The following MEIS2 variants were observed in gnomAD, a reference collection of about 807,000 sequenced individuals.
MEIS2 encodes homeobox protein Meis2.
In MEIS2, 9 loss-of-function variants were observed where a neutral mutation model predicts 58.6. That is an observed-to-expected ratio of 0.15 (90% confidence interval 0.09 to 0.27). The LOEUF is 0.27. MEIS2 is among the 10% of genes least tolerant of loss of function. The pLI is 1.00. For synonymous variants in MEIS2, 221 were observed against 228.4 expected, an observed-to-expected ratio of 0.97 and a Z score of 0.29; for missense variants, 427 against 635.0, an observed-to-expected ratio of 0.67 and a Z score of 3.52.
At chr15:37,058,011 AAT>A (rs1420301191) in intron 7 of MEIS2, among the ~76,000 whole-genome samples, 1 of 152,190 alleles carries the variant, frequency 6.6e-6, no homozygotes, top group Non-Finnish European at 1.5e-5. Flanking sequence ...ACCGGGGATC[AAT>A]GTTGGTGAGT....
At chr15:36,927,974 C>CT (rs2057815554) in intron 9 of MEIS2, among the ~76,000 whole-genome samples, 1 of 152,054 alleles carries the variant, frequency 6.6e-6, no homozygotes. Flanking sequence ...ATATTTACAG[C>CT]CGGCCAAGAT....
intron 1 of MEIS2, chr15:37,099,070 A>G: frequency 1.0e-6 from 1 of 986,674 alleles, no homozygotes; most frequent in Non-Finnish European, 1.2e-6. Context: ...GAGCCGCGCG[A>G]GCCACGGCGG....
chr15:36,966,271 G>A (rs1028561342), intron 8 of MEIS2, among the ~76,000 whole-genome samples: 4 of 152,146 alleles, frequency 2.6e-5, no homozygotes, highest in Admixed American at 6.5e-5. Flanking sequence ...GGAGAAGGGG[G>A]AAGTAAGTTC....
chr15:37,045,020 C>T (rs1294456836), intron 7 of MEIS2, among the ~76,000 whole-genome samples: 1 of 152,138 alleles, frequency 6.6e-6, no homozygotes, highest in African/African-American at 2.4e-5. Context: ...CCTTAGGTTC[C>T]CTCCCTCCAC....
At chr15:37,009,413 T>C (rs188353005) in intron 8 of MEIS2, among the ~76,000 whole-genome samples, 51 of 152,372 alleles carry the variant, frequency 3.3e-4, no homozygotes, top group Non-Finnish European at 5.9e-4. Context: ...GTTGGAAATA[T>C]TTATTTCATT....
chr15:37,064,577 C>T lies in MEIS2; in HGVS notation c.754+19194G>A, dbSNP rs139453745. On this transcript the variant is annotated intron_variant, in intron 7 of 11. Coordinates refer to ENST00000561208, the MANE Select transcript of MEIS2 (RefSeq NM_170675.5). ...TCTTACTGCTATGCAAAATGGAATA[C>T]TATTTTTGATTTTCATTAGTCAAAA... Among the ~76,000 whole-genome samples the T allele has an allele frequency of 3.5e-3, 540 of 152,228 alleles. 4 individuals are homozygous for T. The highest frequency in any genetic ancestry group is 5.2e-3 in the Non-Finnish European group (354 of 67,992).
At chr15:37,048,653 T>C (rs1022876346) in intron 7 of MEIS2, among the ~76,000 whole-genome samples, 5 of 152,216 alleles carry the variant, frequency 3.3e-5, no homozygotes, top group African/African-American at 1.2e-4. Flanking sequence ...TTAATAAAAG[T>C]GTAACTTCGA....
rs1036906827 is a variant in MEIS2 at position 36,890,766 on chromosome 15, A to T, written c.*1407T>A. 6.6e-6 allele frequency: 1 copy of T among 152,214 alleles called. No homozygotes were observed. The highest frequency in any genetic ancestry group is 1.5e-5 in the Non-Finnish European group (1 of 68,020). The allele number at this position is 152,214 out of a possible 1,614,324, so 9.4% of individuals were successfully genotyped here. ...ATATATTTTTTAACGTCATGCATCTAAAAAGGAGGTTGAGCATGTTCAAGG... is the reference window on the plus strand; with the variant it reads ...ATATATTTTTTAACGTCATGCATCTTAAAAGGAGGTTGAGCATGTTCAAGG... On this transcript the variant is annotated 3_prime_UTR_variant, in exon 12 of 12. Transcript: ENST00000561208.
chr15:36,950,700 G>T (rs1479004175), intron 8 of MEIS2, among the ~76,000 whole-genome samples: 1 of 152,020 alleles, frequency 6.6e-6, no homozygotes, highest in East Asian at 1.9e-4. Flanking sequence ...CAGAATTTTG[G>T]TCATCTAACT....
intron 8 of MEIS2, among the ~76,000 whole-genome samples, chr15:37,028,168 G>A (rs1216740386): frequency 6.6e-6 from 1 of 152,192 alleles, no homozygotes; most frequent in Non-Finnish European, 1.5e-5. Flanking sequence ...TCTATCTGAG[G>A]TGAACCTCTT....
intron 7 of MEIS2, among the ~76,000 whole-genome samples, chr15:37,068,216 G>A (rs1890218429): frequency 6.6e-6 from 1 of 152,114 alleles, no homozygotes; most frequent in Non-Finnish European, 1.5e-5. Context: ...AAAGTTATGA[G>A]CATTTGAGTT....
Position 37,093,297 on chromosome 15 carries a change from C to T in MEIS2, c.639+284G>A, listed in dbSNP as rs556785772. The stretch of plus-strand genomic sequence containing the variant: ...TGGTGACTATATCAAACAGAATTTG[C>T]GAACACCCAAGTCACCAAATCCAGA... On this transcript the variant is annotated intron_variant, in intron 6 of 11. Coordinates refer to ENST00000561208, the MANE Select transcript of MEIS2 (RefSeq NM_170675.5). Among the ~76,000 whole-genome samples the T allele has an allele frequency of 2.6e-4, 39 of 152,274 alleles. 1 individual carries two copies. The highest frequency in any genetic ancestry group is 6.5e-4 in the Admixed American group (10 of 15,302).
chr15:37,010,150 C>G (rs546725709), intron 8 of MEIS2, among the ~76,000 whole-genome samples: 2 of 147,950 alleles, frequency 1.4e-5, no homozygotes, highest in Non-Finnish European at 3.0e-5. Flanking sequence ...TGCAGTGGCG[C>G]GATCTCGGCT....
intron 8 of MEIS2, among the ~76,000 whole-genome samples, chr15:37,002,042 A>G (rs1301519118): frequency 2.0e-5 from 3 of 152,192 alleles, no homozygotes; most frequent in Non-Finnish European, 2.9e-5. Flanking sequence ...GTTCTGAATT[A>G]TAACAATATT....
chr15:37,021,019 C>G (rs2061508370), intron 8 of MEIS2, among the ~76,000 whole-genome samples: 1 of 152,078 alleles, frequency 6.6e-6, no homozygotes, highest in South Asian at 2.1e-4. Flanking sequence ...TGTCTGCAAA[C>G]CAGGAGAGAG....
In MEIS2 at chr15:37,094,597, A is replaced by G; in HGVS notation, c.439-20T>C. On this transcript the variant is annotated intron_variant, in intron 4 of 11. Transcript: ENST00000561208. ...TATCATCTGAAAGAAAAGTTCAGGG[A>G]ATGGAGTTAGAGCTCTGTGACTCTG... 6.2e-7 allele frequency: 1 copy of G among 1,608,624 alleles called. No individual in the cohort carries two copies. Among genetic ancestry groups the G allele is most frequent in the Admixed American group, 1.7e-5 (1 of 59,442 alleles).
intron 11 of MEIS2, among the ~76,000 whole-genome samples, chr15:36,894,127 T>G (rs1340297461): frequency 6.6e-6 from 1 of 152,224 alleles, no homozygotes; most frequent in African/African-American, 2.4e-5. Flanking sequence ...CTGACTTTCC[T>G]GTCTTTCTGT....
At chr15:36,994,136 A>T (rs1347175798) in intron 8 of MEIS2, among the ~76,000 whole-genome samples, 1 of 152,194 alleles carries the variant, frequency 6.6e-6, no homozygotes, top group African/African-American at 2.4e-5. Context: ...AAGGGAAAGC[A>T]TTTAAAAATA....
intron 7 of MEIS2, among the ~76,000 whole-genome samples, chr15:37,070,493 C>G (rs77467289): frequency 1.3e-5 from 2 of 152,194 alleles, no homozygotes; most frequent in Admixed American, 6.5e-5. Flanking sequence ...TCTCTCCACA[C>G]TTTGCAGACT....
Sources: allele counts gnomAD v4.1 joint callset (sites outside exome capture counted in the v4.1 genomes callset), GRCh38; gene constraint gnomAD v4.1.1; transcripts MANE v1.5; gene names NCBI Gene and HGNC (gene_info 2026-07-23, HGNC 2026-07-21).